The following OSBPL10 variants were observed in gnomAD, a reference collection of about 807,000 sequenced individuals.
The protein encoded by OSBPL10 is oxysterol binding protein like 10.
A neutral mutation model predicts 81.7 loss-of-function variants in OSBPL10; 49 were observed. The observed-to-expected ratio is 0.60, with a 90% confidence interval of 0.48 to 0.76. The LOEUF (loss-of-function observed/expected upper bound fraction) is 0.76. OSBPL10 is among the 30% of genes least tolerant of loss of function. The pLI is 0.00. For missense variants in OSBPL10, 923 were observed against 987.8 expected (o/e 0.93, Z 0.88); for synonymous variants, 419 against 383.6 (o/e 1.09, Z -1.08).
chr3:32,062,838 T>C lies in OSBPL10; in HGVS notation n.185+14558A>G, dbSNP rs1699759035. On this transcript the variant is annotated intron_variant and non_coding_transcript_variant, in intron 1 of 3. Coordinates refer to the OSBPL10 transcript ENST00000479173. ...AACAGGTTTTGCAAATCTTTGAAATTTAAAAATAAAAGCCATTCCTGCTAT... is the reference window on the plus strand; with the variant it reads ...AACAGGTTTTGCAAATCTTTGAAATCTAAAAATAAAAGCCATTCCTGCTAT... 2.1e-5 allele frequency among the ~76,000 whole-genome samples: 2 copies of C among 94,830 alleles called. 1 individual carries two copies. Among genetic ancestry groups the C allele is most frequent in the African/African-American group, 5.4e-5 (2 of 36,800 alleles). 62.2% of individuals were successfully genotyped at this position (94,830 alleles called of 152,430 possible).
chr3:31,849,943 T>C (rs1458805127), intron 3 of OSBPL10, among the ~76,000 whole-genome samples: 1 of 152,138 alleles, frequency 6.6e-6, no homozygotes, highest in African/African-American at 2.4e-5. Flanking sequence ...AGTAAGCGGA[T>C]CACCTGAGGT....
At chr3:31,960,406 C>A (rs1239237862) in intron 1 of OSBPL10, 1 of 152,162 alleles carries the variant, frequency 6.6e-6, no homozygotes, top group African/African-American at 2.4e-5. Flanking sequence ...TATTCACATT[C>A]ACAATAACAA....
chr3:31,857,707 C>G (rs1485323782), intron 3 of OSBPL10, among the ~76,000 whole-genome samples: 2 of 49,374 alleles, frequency 4.1e-5, no homozygotes, highest in African/African-American at 1.5e-4. Flanking sequence ...CCATAAATCT[C>G]TTGTTCCCCT....
rs141434456 is a variant in OSBPL10 at position 31,980,872 on chromosome 3, C to A, written c.281+27G>T. On this transcript the variant is annotated intron_variant, in intron 1 of 11. Coordinates refer to ENST00000396556, the MANE Select transcript of OSBPL10 (RefSeq NM_017784.5). The stretch of plus-strand genomic sequence containing the variant: ...ACACACACACACACACAGCGGCGCG[C>A]GGTGGCGCGGGCGGCTGGCGCGTTA... 2.9e-5 allele frequency: 44 copies of A among 1,542,524 alleles called. 1 individual carries two copies. The African/African-American group carries it at 6.1e-4, about 21-fold the overall frequency.
At chr3:31,683,141 C>T (rs1466166769) in intron 8 of OSBPL10, among the ~76,000 whole-genome samples, 1 of 152,196 alleles carries the variant, frequency 6.6e-6, no homozygotes, top group East Asian at 1.9e-4. Flanking sequence ...CCACCAGTGG[C>T]GTGATTATAC....
intron 6 of OSBPL10, chr3:31,713,782 C>G (rs1363002234): frequency 6.5e-6 from 1 of 152,830 alleles, no homozygotes; most frequent in Non-Finnish European, 1.5e-5. Flanking sequence ...TCCCTCTCCA[C>G]CATTTGCTCC....
At chr3:31,833,599 T>G (rs1700297453) in intron 3 of OSBPL10, among the ~76,000 whole-genome samples, 1 of 152,092 alleles carries the variant, frequency 6.6e-6, no homozygotes, top group Non-Finnish European at 1.5e-5. Flanking sequence ...ACTGACCTTC[T>G]TATTTTCTAC....
At chr3:31,819,612 T>C (rs1699931654) in intron 4 of OSBPL10, among the ~76,000 whole-genome samples, 2 of 152,326 alleles carry the variant, frequency 1.3e-5, no homozygotes, top group East Asian at 1.9e-4. Flanking sequence ...GAGACAGCCA[T>C]GGCCTTGGCA....
At chr3:31,751,642 A>T (rs1362961611) in intron 4 of OSBPL10, among the ~76,000 whole-genome samples, 1 of 152,204 alleles carries the variant, frequency 6.6e-6, no homozygotes, top group Non-Finnish European at 1.5e-5. Context: ...TGCTAGAGAC[A>T]CATCAGTAAC....
chr3:31,875,543 G>A (rs923065055), intron 3 of OSBPL10, among the ~76,000 whole-genome samples: 49 of 124,378 alleles, frequency 3.9e-4, no homozygotes, highest in Non-Finnish European at 6.1e-4. Flanking sequence ...TAAGGAAAAG[G>A]GGATGTTTCT....
chr3:31,840,063 T>C (rs1036869109), intron 3 of OSBPL10, among the ~76,000 whole-genome samples: 3 of 151,494 alleles, frequency 2.0e-5, no homozygotes, highest in African/African-American at 7.3e-5. Flanking sequence ...ATTTATTCTA[T>C]GCTCTATTTC....
intron 3 of OSBPL10, among the ~76,000 whole-genome samples, chr3:31,875,569 A>AGC (rs1176883862): frequency 2.2e-4 from 34 of 152,006 alleles, no homozygotes; most frequent in African/African-American, 7.7e-4. Flanking sequence ...AAAAAAAAAA[A>AGC]AAAGCATTAT....
intron 8 of OSBPL10, among the ~76,000 whole-genome samples, chr3:31,683,362 C>T (rs925667546): frequency 1.3e-5 from 2 of 152,126 alleles, no homozygotes; most frequent in Admixed American, 6.5e-5. Flanking sequence ...AAGGTGTGCA[C>T]GCACGCGCGT....
rs771428053 is a variant in OSBPL10 at position 31,683,984 on chromosome 3, A to G, written c.1376T>C (p.Val459Ala). The change falls in exon 8 of 12, where the codon GTT (valine) becomes GCT (alanine). Residue 459 changes from valine to alanine, a missense_variant. This residue lies in a region of OSBPL10 where 387 missense variants were observed against 436.3 expected (regional missense o/e 0.89). Coordinates refer to ENST00000396556, the MANE Select transcript of OSBPL10 (RefSeq NM_017784.5). ...GTGAAAGGCTGTGAGATAATACTCA[A>G]CGAAGCAAATGACTCTCTCCTCTGG... ...ATPEERVICF[V>A]EYYLTAFHEG... 1 of 1,614,216 alleles carries G rather than the reference A, an allele frequency of 6.2e-7. No individual in the cohort carries two copies. Among genetic ancestry groups the G allele is most frequent in the Non-Finnish European group, 8.5e-7 (1 of 1,180,038 alleles).
intron 3 of OSBPL10, among the ~76,000 whole-genome samples, chr3:31,832,126 T>C (rs1700258723): frequency 6.6e-6 from 1 of 152,240 alleles, no homozygotes; most frequent in South Asian, 2.1e-4. Flanking sequence ...GGCACATAAT[T>C]GATCTATAGT....
chr3:31,905,439 T>C (rs1191835320), intron 1 of OSBPL10, among the ~76,000 whole-genome samples: 1 of 148,808 alleles, frequency 6.7e-6, no homozygotes. Context: ...AACCTCCGTC[T>C]CCCGGGTTCA....
intron 4 of OSBPL10, among the ~76,000 whole-genome samples, chr3:31,772,172 C>T (rs1170991646): frequency 6.6e-6 from 1 of 152,144 alleles, no homozygotes. Flanking sequence ...TAGGTTACCC[C>T]GAACCTCTGG....
intron 1 of OSBPL10, among the ~76,000 whole-genome samples, chr3:32,056,277 C>T (rs992713841): frequency 6.6e-6 from 1 of 152,020 alleles, no homozygotes. Flanking sequence ...GACTGCAGCT[C>T]AGAAGAAACA....
At chr3:31,732,053 G>A (rs1031648763) in intron 6 of OSBPL10, among the ~76,000 whole-genome samples, 3 of 152,142 alleles carry the variant, frequency 2.0e-5, no homozygotes, top group African/African-American at 4.8e-5. Flanking sequence ...CTAGAAATAA[G>A]GATCTAAAAA....
Sources: gnomAD v4.1 joint callset for allele counts (sites outside exome capture counted in the v4.1 genomes callset) on GRCh38, gnomAD v4.1.1 for gene constraint, gnomAD v4.1.1 regional missense constraint, MANE v1.5 for transcripts, NCBI Gene and HGNC (gene_info 2026-07-23, HGNC 2026-07-21) for gene names.